PPP2R2B: variants seen among roughly 807,000 people sequenced by gnomAD.
The protein encoded by PPP2R2B is serine/threonine-protein phosphatase 2A 55 kDa regulatory subunit B beta isoform.
In PPP2R2B, 5 loss-of-function variants were observed where a neutral mutation model predicts 46.0. The observed-to-expected ratio is 0.11, with a 90% CI of 0.06 to 0.23. The LOEUF (loss-of-function observed/expected upper bound fraction) is 0.23. PPP2R2B is among the 10% of genes least tolerant of loss of function. The probability of loss-of-function intolerance (pLI) is 1.00; values close to 1 mark genes in which losing one functional copy is unlikely to be tolerated. For synonymous variants in PPP2R2B, 215 were observed against 206.7 expected, an observed-to-expected ratio of 1.04 and a Z score of -0.34; for missense variants, 367 against 575.0, an observed-to-expected ratio of 0.64 and a Z score of 3.70.
At chr5:147,064,384 C>T (rs934968809) in intron 2 of PPP2R2B, among the ~76,000 whole-genome samples, 5 of 152,164 alleles carry the variant, frequency 3.3e-5, no homozygotes, top group Non-Finnish European at 7.3e-5. Context: ...GCCAGTAGCA[C>T]ACTTCCCATC....
intron 2 of PPP2R2B, among the ~76,000 whole-genome samples, chr5:146,875,254 A>C (rs1761829975): frequency 6.6e-6 from 1 of 152,200 alleles, no homozygotes; most frequent in African/African-American, 2.4e-5. Context: ...TGCTTGGAAC[A>C]TAGAAGATGC....
chr5:146,808,015 G>C (rs1201844135), intron 2 of PPP2R2B, among the ~76,000 whole-genome samples: 1 of 151,786 alleles, frequency 6.6e-6, no homozygotes, highest in Non-Finnish European at 1.5e-5. Flanking sequence ...TGGCCAGGCT[G>C]TTCTTGAACT....
chr5:147,029,532 C>T (rs937690763), intron 1 of PPP2R2B, among the ~76,000 whole-genome samples: 4 of 152,134 alleles, frequency 2.6e-5, no homozygotes, highest in Admixed American at 2.6e-4. Flanking sequence ...ATTATTGATG[C>T]TTTATAAGAT....
chr5:146,970,395 G>A, intron 1 of PPP2R2B, among the ~76,000 whole-genome samples: 1 of 152,006 alleles, frequency 6.6e-6, no homozygotes, highest in East Asian at 1.9e-4. Context: ...GAGGTCAAGA[G>A]TTCGAGAATA....
chr5:146,630,778 C>G (rs322483), intron 7 of PPP2R2B, among the ~76,000 whole-genome samples: 32,260 of 152,104 alleles, frequency 0.21, 5,025 homozygotes, highest in African/African-American at 0.44. Context: ...AAGCAAGACA[C>G]CATCTTCACT....
At chr5:147,065,181 A>G (rs1757382565) in intron 2 of PPP2R2B, among the ~76,000 whole-genome samples, 1 of 152,148 alleles carries the variant, frequency 6.6e-6, no homozygotes. Context: ...GCATTTGGTA[A>G]GTGTATGATG....
intron 2 of PPP2R2B, among the ~76,000 whole-genome samples, chr5:146,808,417 G>A (rs1582152688): frequency 6.6e-6 from 1 of 152,224 alleles, no homozygotes; most frequent in African/African-American, 2.4e-5. Context: ...TCTATCACTG[G>A]CCTTGTTCTG....
In PPP2R2B at chr5:147,029,876, AT is replaced by A. The variant is rs747646217; in HGVS notation, c.79+25788del. Among the ~76,000 whole-genome samples the A allele has an allele frequency of 3.4e-3, 517 of 152,240 alleles. 1 individual carries two copies. Among genetic ancestry groups the A allele is most frequent in the Admixed American group, 5.2e-3 (80 of 15,296 alleles). Reference sequence around the variant, plus strand: ...TGGAACTTTAAGAAAATCAATCTCTATTGTTGAAGCTACCCAGTCTCTGATA... The same window carrying A: ...TGGAACTTTAAGAAAATCAATCTCTATGTTGAAGCTACCCAGTCTCTGATA... On this transcript the variant is annotated intron_variant, in intron 1 of 8. Transcript: ENST00000336640.
At chr5:146,866,915 T>C (rs1310848070) in intron 2 of PPP2R2B, among the ~76,000 whole-genome samples, 1 of 152,212 alleles carries the variant, frequency 6.6e-6, no homozygotes, top group African/African-American at 2.4e-5. Flanking sequence ...CCTTTATAAG[T>C]ACTCACAGCT....
chr5:146,919,912 G>A (rs1439116488), intron 1 of PPP2R2B: 2 of 152,126 alleles, frequency 1.3e-5, no homozygotes, highest in African/African-American at 2.4e-5. Context: ...ACCAGTTTGC[G>A]TATCATGGCA....
intron 1 of PPP2R2B, among the ~76,000 whole-genome samples, chr5:146,918,129 T>C (rs1582423691): frequency 6.6e-6 from 1 of 152,124 alleles, no homozygotes. Context: ...ATTATGAAAA[T>C]GACAGAACTG....
At position 146,903,511 on chromosome 5, in the gene PPP2R2B, T is replaced by C. The variant is rs1187064137; in HGVS notation, c.79+152154A>G. On this transcript the variant is annotated intron_variant, in intron 1 of 8. Transcript: ENST00000336640. ...AGCAGGTTCAAGTAATCCTTTCACC[T>C]CAGCCTCCTGAGTAGCCGGGACTAT... Among the ~76,000 whole-genome samples the C allele has an allele frequency of 2.7e-5, 4 of 150,784 alleles. No homozygotes were observed. In the East Asian group the frequency reaches 5.9e-4, roughly 22 times the overall value.
chr5:146,907,801 T>A (rs1310886814), intron 1 of PPP2R2B, among the ~76,000 whole-genome samples: 4 of 152,230 alleles, frequency 2.6e-5, no homozygotes, highest in African/African-American at 9.6e-5. Flanking sequence ...AACTATTGGG[T>A]CCTGTGTGTT....
chr5:147,071,365 G>A (rs1486037999), intron 2 of PPP2R2B, among the ~76,000 whole-genome samples: 1 of 152,186 alleles, frequency 6.6e-6, no homozygotes, highest in Non-Finnish European at 1.5e-5. Flanking sequence ...TAATTGAGCT[G>A]CTGCTAGAAA....
chr5:146,610,016 G>C (rs1772720336), intron 7 of PPP2R2B, among the ~76,000 whole-genome samples: 1 of 134,154 alleles, frequency 7.5e-6, no homozygotes, highest in African/African-American at 3.1e-5. Context: ...AGGCCTGCCT[G>C]CCTCTGTGGG....
At chr5:146,932,657 G>T (rs1180683678) in intron 1 of PPP2R2B, among the ~76,000 whole-genome samples, 1 of 152,070 alleles carries the variant, frequency 6.6e-6, no homozygotes, top group Non-Finnish European at 1.5e-5. Context: ...GTCTTTATTA[G>T]CAGCATGAGA....
At chr5:146,776,406 A>G (rs1755184803) in intron 2 of PPP2R2B, among the ~76,000 whole-genome samples, 1 of 152,050 alleles carries the variant, frequency 6.6e-6, no homozygotes, top group African/African-American at 2.4e-5. Context: ...AGGAAAGAAT[A>G]CTCTCCTCAA....
chr5:146,817,404 G>A (rs1231020471), intron 2 of PPP2R2B, among the ~76,000 whole-genome samples: 1 of 152,068 alleles, frequency 6.6e-6, no homozygotes, highest in Non-Finnish European at 1.5e-5. Flanking sequence ...TTAAAACTTT[G>A]ATGATAAATG....
intron 1 of PPP2R2B, among the ~76,000 whole-genome samples, chr5:147,026,674 C>G (rs560853512): frequency 6.6e-6 from 1 of 152,078 alleles, no homozygotes; most frequent in South Asian, 2.1e-4. Flanking sequence ...CAAAAATATA[C>G]AAATGACCAA....
Sources: allele counts gnomAD v4.1 joint callset (sites outside exome capture counted in the v4.1 genomes callset), GRCh38; gene constraint gnomAD v4.1.1; transcripts MANE v1.5; gene names NCBI Gene and HGNC (gene_info 2026-07-23, HGNC 2026-07-21).